CDH13: variants seen among roughly 807,000 people sequenced by gnomAD.
CDH13 encodes the protein cadherin-13.
In CDH13, 24 loss-of-function variants were observed where a neutral mutation model predicts 63.8. That is an observed-to-expected ratio of 0.38 (90% CI 0.27 to 0.53). The LOEUF is 0.53. Ranked by LOEUF, CDH13 falls within the 20% of genes least tolerant of loss-of-function variation. The probability of loss-of-function intolerance (pLI) is 0.85; values close to 1 mark genes in which losing one functional copy is unlikely to be tolerated. For synonymous variants in CDH13, 503 were observed against 355.3 expected (o/e 1.42, Z -4.67); for missense variants, 1,049 against 903.1 (o/e 1.16, Z -2.07).
At chr16:83,253,912 C>T (rs934757732) in intron 5 of CDH13, among the ~76,000 whole-genome samples, 6 of 152,154 alleles carry the variant, frequency 3.9e-5, no homozygotes, top group African/African-American at 9.7e-5. Flanking sequence ...ATACATAGGA[C>T]GTGCAGATGT....
chr16:82,697,767 GTGTGTGTGTGTGTGTGTGTGTA>G (rs2030510782), intron 1 of CDH13, among the ~76,000 whole-genome samples: 1 of 147,830 alleles, frequency 6.8e-6, no homozygotes, highest in South Asian at 2.1e-4. Context: ...GTGTGTGTGT[GTGTGTGTGTGTGTGTGTGTGTA>G]AGTTTTTTCA....
chr16:83,495,233 A>G (rs1331320336), intron 7 of CDH13, among the ~76,000 whole-genome samples: 3 of 152,200 alleles, frequency 2.0e-5, no homozygotes, highest in Non-Finnish European at 4.4e-5. Context: ...TAAGCCATTA[A>G]TCAATACTTG....
chr16:83,479,651 C>T (rs1466123171), intron 6 of CDH13, among the ~76,000 whole-genome samples: 1 of 18,066 alleles, frequency 5.5e-5, no homozygotes, highest in African/African-American at 2.4e-4. Context: ...AGTGAGACTC[C>T]GTCTCCAAAA....
At chr16:83,157,736 TATA>T (rs2037268669) in intron 4 of CDH13, among the ~76,000 whole-genome samples, 2 of 70,598 alleles carry the variant, frequency 2.8e-5, no homozygotes, top group Admixed American at 1.5e-4. Flanking sequence ...CTACTAGAAA[TATA>T]AAAAAAAAAA....
At chr16:82,911,464 C>G (rs1431733638) in intron 2 of CDH13, among the ~76,000 whole-genome samples, 2 of 152,162 alleles carry the variant, frequency 1.3e-5, no homozygotes, top group Non-Finnish European at 2.9e-5. Context: ...TCTGCAGGGG[C>G]TACATACGGA....
intron 3 of CDH13, among the ~76,000 whole-genome samples, chr16:83,070,445 C>T (rs2032346718): frequency 6.6e-6 from 1 of 152,122 alleles, no homozygotes; most frequent in Non-Finnish European, 1.5e-5. Context: ...ACATTGATTT[C>T]ATTTCACAAC....
At chr16:83,205,945 C>G (rs2039170099) in intron 4 of CDH13, among the ~76,000 whole-genome samples, 1 of 152,144 alleles carries the variant, frequency 6.6e-6, no homozygotes, top group African/African-American at 2.4e-5. Flanking sequence ...AGAAACTGAC[C>G]ATGAGGCTGA....
intron 7 of CDH13, among the ~76,000 whole-genome samples, chr16:83,556,878 G>C (rs1303591295): frequency 2.6e-5 from 4 of 152,226 alleles, no homozygotes; most frequent in South Asian, 4.1e-4. Context: ...CTCCTGGGCT[G>C]TGTCCCTCCA....
intron 3 of CDH13, among the ~76,000 whole-genome samples, chr16:83,118,259 TGA>T (rs1491029587): frequency 2.0e-4 from 30 of 152,180 alleles, no homozygotes; most frequent in Middle Eastern, 3.4e-3. Context: ...TTCCTGTGAC[TGA>T]GGGGATTGTG....
At chr16:83,549,435 G>A (rs1419296707) in intron 7 of CDH13, among the ~76,000 whole-genome samples, 1 of 152,166 alleles carries the variant, frequency 6.6e-6, no homozygotes, top group Admixed American at 6.5e-5. Flanking sequence ...CCTGTATCAA[G>A]GGGAACGTGG....
chr16:83,733,862 A>G (rs535553763), intron 10 of CDH13, among the ~76,000 whole-genome samples: 71 of 152,310 alleles, frequency 4.7e-4, no homozygotes, highest in Non-Finnish European at 9.4e-4. Context: ...GCGTAAGTGG[A>G]CAAAAGTGGA....
At chr16:83,752,571 A>G (rs1430775232) in intron 11 of CDH13, among the ~76,000 whole-genome samples, 1 of 152,248 alleles carries the variant, frequency 6.6e-6, no homozygotes, top group East Asian at 1.9e-4. Context: ...TTTTGAAGAA[A>G]TAATTTACAA....
chr16:82,689,536 G>A (rs1452803493), intron 1 of CDH13, among the ~76,000 whole-genome samples: 1 of 152,160 alleles, frequency 6.6e-6, no homozygotes, highest in Non-Finnish European at 1.5e-5. Context: ...AAGGCTCGAG[G>A]ATGACAGGAG....
chr16:83,205,634 C>G (rs1220052800), intron 4 of CDH13, among the ~76,000 whole-genome samples: 1 of 121,332 alleles, frequency 8.2e-6, no homozygotes, highest in African/African-American at 3.2e-5. Context: ...GAGACAAAGT[C>G]TTGCTCTGTT....
chr16:82,808,142 A>G (rs996849652), intron 1 of CDH13, among the ~76,000 whole-genome samples: 2 of 152,152 alleles, frequency 1.3e-5, no homozygotes, highest in African/African-American at 4.8e-5. Context: ...CTGTCTGCAT[A>G]TGTTTCCTTG....
chr16:83,489,127 G>T (rs2151567409), intron 7 of CDH13, among the ~76,000 whole-genome samples: 1 of 152,242 alleles, frequency 6.6e-6, no homozygotes, highest in African/African-American at 2.4e-5. Flanking sequence ...CTCCGTTTCA[G>T]CTTCTCTTTG....
chr16:82,935,939 T>A (rs1488510370), intron 2 of CDH13, among the ~76,000 whole-genome samples: 1 of 152,110 alleles, frequency 6.6e-6, no homozygotes, highest in Non-Finnish European at 1.5e-5. Flanking sequence ...GTGCTGAATT[T>A]TATAGTCAGG....
chr16:83,325,756 G>T (rs930913084), intron 5 of CDH13, among the ~76,000 whole-genome samples: 1 of 151,942 alleles, frequency 6.6e-6, no homozygotes, highest in African/African-American at 2.4e-5. Flanking sequence ...TTCTTCTCAG[G>T]GAACAAATAC....
chr16:83,453,193 C>T (rs1305472761), intron 6 of CDH13, among the ~76,000 whole-genome samples: 1 of 151,994 alleles, frequency 6.6e-6, no homozygotes. Flanking sequence ...AAGGATTGTA[C>T]AATGGATTTT....
Sources: allele counts gnomAD v4.1 joint callset (sites outside exome capture counted in the v4.1 genomes callset), GRCh38; gene constraint gnomAD v4.1.1; transcripts MANE v1.5; gene names NCBI Gene and HGNC (gene_info 2026-07-23, HGNC 2026-07-21).